KDM7A: variants seen among roughly 807,000 people sequenced by gnomAD.
KDM7A encodes lysine demethylase 7A, also known as lysine-specific demethylase 7A.
Under a neutral mutation model 114.8 loss-of-function variants are expected in KDM7A, and 28 were observed. The ratio of observed to expected loss-of-function variants is 0.24; its 90% confidence interval spans 0.18 to 0.33. KDM7A has a LOEUF of 0.33. Ranked by LOEUF, KDM7A falls within the 10% of genes least tolerant of loss-of-function variation. The pLI is 1.00. For synonymous variants in KDM7A, 423 were observed against 397.8 expected, an observed-to-expected ratio of 1.06 and a Z score of -0.75; for missense variants, 942 against 1,142.5, an observed-to-expected ratio of 0.82 and a Z score of 2.53.
chr7:140,088,740 A>G lies in KDM7A; in HGVS notation c.*2354T>C. 2.6e-6 allele frequency: 1 copy of G among 381,270 alleles called. No homozygotes were observed. Among genetic ancestry groups the G allele is most frequent in the Non-Finnish European group, 4.6e-6 (1 of 215,412 alleles). 23.6% of individuals were successfully genotyped at this position (381,270 alleles called of 1,614,324 possible). A position where few individuals can be genotyped will look rare whatever the true frequency, so the allele number is the denominator to read the frequency against. Reference sequence around the variant, plus strand: ...CACTTATTAAGGGGCTAAAACTACTAAAAATGAATCCACAGTACCTTCACT... The same window carrying G: ...CACTTATTAAGGGGCTAAAACTACTGAAAATGAATCCACAGTACCTTCACT... On this transcript the variant is annotated 3_prime_UTR_variant, in exon 20 of 20. Coordinates refer to ENST00000397560, the MANE Select transcript of KDM7A (RefSeq NM_030647.2).
rs200052312 is a variant in KDM7A at position 140,091,946 on chromosome 7, G to C, written c.2589C>G (p.Asn863Lys). 209 of 1,613,808 alleles carry C rather than the reference G, an allele frequency of 1.3e-4. No homozygotes were observed. The highest frequency in any genetic ancestry group is 1.6e-4 in the Non-Finnish European group (183 of 1,179,998). Residue 863 changes from asparagine to lysine, a missense_variant, in exon 19 of 20, where the codon AAC (asparagine) becomes AAG (lysine). Transcript: ENST00000397560. ...LQNGKYMQNS[N>K]LTSGACQISN... ...TTATCTGGCACGCCCCCGAAGTCAGGTTTGAATTCTGCATATACTTTCCAT... is the reference window on the plus strand; with the variant it reads ...TTATCTGGCACGCCCCCGAAGTCAGCTTTGAATTCTGCATATACTTTCCAT...
intron 1 of KDM7A, among the ~76,000 whole-genome samples, chr7:140,168,755 C>G (rs1794606273): frequency 6.6e-6 from 1 of 152,290 alleles, no homozygotes; most frequent in African/African-American, 2.4e-5. Flanking sequence ...TACACAAATA[C>G]TGTAATCTAG....
chr7:140,164,294 A>T (rs1794551229), intron 1 of KDM7A, among the ~76,000 whole-genome samples: 1 of 152,236 alleles, frequency 6.6e-6, no homozygotes, highest in South Asian at 2.1e-4. Flanking sequence ...ACCTGAAAGA[A>T]AAACCTATAG....
In KDM7A at chr7:140,088,288, A is replaced by G. The variant is rs1164268187; in HGVS notation, c.*2806T>C. The G allele has an allele frequency of 5.3e-6, 2 of 379,690 alleles. No individual in the cohort carries two copies. Among genetic ancestry groups the G allele is most frequent in the African/African-American group, 4.2e-5 (2 of 48,130 alleles). The allele number at this position is 379,690 out of a possible 1,614,324, so 23.5% of individuals were successfully genotyped here. On this transcript the variant is annotated 3_prime_UTR_variant, in exon 20 of 20. Transcript: ENST00000397560. ...TCACTCATCAATATTGAAAAGCATAATATTATGTGACATTGTAAATTATAA... is the reference window on the plus strand; with the variant it reads ...TCACTCATCAATATTGAAAAGCATAGTATTATGTGACATTGTAAATTATAA...
At chr7:140,168,119 AG>A (rs758826894) in intron 1 of KDM7A, among the ~76,000 whole-genome samples, 3 of 152,238 alleles carry the variant, frequency 2.0e-5, no homozygotes, top group Non-Finnish European at 4.4e-5. Flanking sequence ...CCTGATGACA[AG>A]GATCTAGAGA....
chr7:140,167,145 GAGA>G (rs547662386), intron 1 of KDM7A, among the ~76,000 whole-genome samples: 39 of 152,226 alleles, frequency 2.6e-4, no homozygotes, highest in African/African-American at 6.7e-4. Context: ...TATTCTCAGA[GAGA>G]AGGACTCAAT....
intron 1 of KDM7A, among the ~76,000 whole-genome samples, chr7:140,148,908 G>A (rs150035065): frequency 6.6e-6 from 1 of 152,190 alleles, no homozygotes; most frequent in East Asian, 1.9e-4. Context: ...CATTAAAGCT[G>A]TTTAGTGGCA....
intron 2 of KDM7A, among the ~76,000 whole-genome samples, chr7:140,133,880 T>C (rs946872478): frequency 1.3e-4 from 20 of 152,176 alleles, no homozygotes; most frequent in African/African-American, 4.6e-4. Flanking sequence ...TTTCAAAACA[T>C]ATAAAATTAA....
At chr7:140,091,670 A>T in intron 19 of KDM7A, 134 bp downstream of exon 19, 1 of 966,216 alleles carries the variant, frequency 1.0e-6, no homozygotes, top group Non-Finnish European at 1.6e-6. Context: ...TAGCCTGTGT[A>T]TACTGCCATC....
chr7:140,148,570 T>C (rs1335505538), intron 1 of KDM7A, among the ~76,000 whole-genome samples: 2 of 152,184 alleles, frequency 1.3e-5, no homozygotes, highest in East Asian at 1.9e-4. Flanking sequence ...GGCTTATTAA[T>C]TGGCTTAATA....
intron 1 of KDM7A, among the ~76,000 whole-genome samples, chr7:140,156,532 A>C (rs1045527805): frequency 6.6e-6 from 1 of 152,198 alleles, no homozygotes; most frequent in African/African-American, 2.4e-5. Flanking sequence ...CTGGTAAGTG[A>C]ATGGAAAAGT....
At chr7:140,151,650 G>C (rs1794401724) in intron 1 of KDM7A, among the ~76,000 whole-genome samples, 1 of 152,030 alleles carries the variant, frequency 6.6e-6, no homozygotes, top group African/African-American at 2.4e-5. Context: ...CAGGAAAAAA[G>C]GTCTTCATTC....
intron 1 of KDM7A, among the ~76,000 whole-genome samples, chr7:140,141,083 A>T (rs1794266658): frequency 6.6e-6 from 1 of 152,232 alleles, no homozygotes; most frequent in Non-Finnish European, 1.5e-5. Context: ...AATAAATTTA[A>T]CAAAAACTAT....
Position 140,120,378 on chromosome 7 carries a change from T to TA in KDM7A, c.1139+63dup, listed in dbSNP as rs879043362. 3.5e-3 allele frequency: 2,928 copies of TA among 824,998 alleles called. 6 individuals carry two copies. Among genetic ancestry groups the TA allele is most frequent in the South Asian group, 0.015 (898 of 59,094 alleles). 51.1% of individuals were successfully genotyped at this position (824,998 alleles called of 1,614,324 possible). ...AATAAGCTATTGATTTTTTTTAAGT[T>TA]AAAAAAAAAAGTATCCTATTTTTAA... On this transcript the variant is annotated intron_variant, in intron 8 of 19. Transcript: ENST00000397560.
intron 8 of KDM7A, among the ~76,000 whole-genome samples, chr7:140,119,790 T>C (rs930616561): frequency 5.7e-4 from 86 of 152,200 alleles, no homozygotes; most frequent in African/African-American, 1.9e-3. Context: ...CACAGATGCA[T>C]AGCTTCTAGG....
intron 4 of KDM7A, among the ~76,000 whole-genome samples, chr7:140,128,772 A>C (rs1390044679): frequency 1.3e-5 from 2 of 152,258 alleles, no homozygotes; most frequent in Non-Finnish European, 2.9e-5. Context: ...GAGTCAAAAT[A>C]GATTTGGAAT....
At chr7:140,091,261 G>A in intron 19 of KDM7A, 73 bp from the exon 20 acceptor site, 1 of 1,016,402 alleles carries the variant, frequency 9.8e-7, no homozygotes, top group Non-Finnish European at 1.6e-6. Flanking sequence ...AGACTACGGG[G>A]AGAGCTTTCT....
chr7:140,171,047 A>T (rs1794632544), intron 1 of KDM7A, among the ~76,000 whole-genome samples: 1 of 140,536 alleles, frequency 7.1e-6, no homozygotes, highest in Admixed American at 7.4e-5. Flanking sequence ...TTGGTAATGT[A>T]CTGAGACCCC....
Position 140,126,678 on chromosome 7 carries a change from T to C in KDM7A, c.847A>G (p.Ile283Val). ...GVQDSYTDFHIDFGGTSVWYH... is the reference protein window; with the variant it reads ...GVQDSYTDFHVDFGGTSVWYH... Reference sequence around the variant, plus strand: ...CAGACTGAAGTTCCACCGAAGTCAATGTGGAAATCTGTATAGCTGTCTTGA... The same window carrying C: ...CAGACTGAAGTTCCACCGAAGTCAACGTGGAAATCTGTATAGCTGTCTTGA... Residue 283 changes from isoleucine to valine, a missense_variant, in exon 6 of 20, where the codon ATT becomes GTT. By Grantham distance (29) the Ile-to-Val change is conservative. Coordinates refer to ENST00000397560, the MANE Select transcript of KDM7A (RefSeq NM_030647.2). 1 of 1,613,386 alleles carries C rather than the reference T, an allele frequency of 6.2e-7. No homozygotes were observed. The highest frequency in any genetic ancestry group is 8.5e-7 in the Non-Finnish European group (1 of 1,179,642).
Sources: allele counts gnomAD v4.1 joint callset (sites outside exome capture counted in the v4.1 genomes callset), GRCh38; gene constraint gnomAD v4.1.1; transcripts MANE v1.5; gene names NCBI Gene and HGNC (gene_info 2026-07-23, HGNC 2026-07-21).